Variants in KIAA1755 observed in about 807,000 individuals in gnomAD.
KIAA1755 encodes KIAA1755.
KIAA1755 carries 68 observed loss-of-function variants against 91.7 expected under a neutral mutation model. The ratio of observed to expected loss-of-function variants is 0.74; its 90% CI spans 0.61 to 0.91. The LOEUF (loss-of-function observed/expected upper bound fraction) is 0.91. Ranked by LOEUF, KIAA1755 falls within the 40% of genes least tolerant of loss-of-function variation. The pLI is 0.00. For synonymous variants in KIAA1755, 610 were observed against 604.6 expected, an observed-to-expected ratio of 1.01 and a Z score of -0.13; for missense variants, 1,535 against 1,494.4, an observed-to-expected ratio of 1.03 and a Z score of -0.45.
At chr20:38,227,132 G>A (rs775195713) in intron 7 of KIAA1755, 22 bp downstream of exon 7, 38 of 1,596,702 alleles carry the variant, frequency 2.4e-5, no homozygotes, top group Middle Eastern at 3.3e-4. Context: ...TTCCTCAACC[G>A]CCGACCCTGA....
chr20:38,219,742 A>G lies in KIAA1755; in HGVS notation c.2444T>C (p.Leu815Ser), dbSNP rs2075623283. 2 of 1,614,182 alleles carry G rather than the reference A, an allele frequency of 1.2e-6. No individual in the cohort carries two copies. The highest frequency in any genetic ancestry group is 1.7e-6 in the Non-Finnish European group (2 of 1,180,026). ...VRSHLAAATA[L>S]YSLVDEQLHV... Reference sequence around the variant, plus strand: ...AAGCTGCTCGTCCACAAGGCTGTACAAGGCAGTGGCTGCAGCCAGATGGCT... The same window carrying G: ...AAGCTGCTCGTCCACAAGGCTGTACGAGGCAGTGGCTGCAGCCAGATGGCT... Residue 815 changes from leucine to serine, a missense_variant, in exon 11 of 14, where the codon TTG becomes TCG. Leu to Ser is a moderately radical substitution (Grantham distance 145, BLOSUM62 -2). Transcript: ENST00000279024.
chr20:38,240,576 T>C lies in KIAA1755; in HGVS notation c.1549+6A>G. 1 of 1,488,294 alleles carries C rather than the reference T, an allele frequency of 6.7e-7. No individual in the cohort carries two copies. The highest frequency in any genetic ancestry group is 8.9e-7 in the Non-Finnish European group (1 of 1,118,802). The allele number at this position is 1,488,294 out of a possible 1,614,324, so 92.2% of individuals were successfully genotyped here. ...CCTTGTACAGCTGAGCATGTGGGCATCTTACCTTTCCCCAAAGATTTGGCT... is the reference window on the plus strand; with the variant it reads ...CCTTGTACAGCTGAGCATGTGGGCACCTTACCTTTCCCCAAAGATTTGGCT... On this transcript the variant is annotated splice_donor_region_variant and intron_variant, in intron 3 of 13. Transcript: ENST00000279024.
At chr20:38,247,986 G>C (rs1375478055) in intron 1 of KIAA1755, among the ~76,000 whole-genome samples, 1 of 152,194 alleles carries the variant, frequency 6.6e-6, no homozygotes, top group African/African-American at 2.4e-5. Context: ...CCAGCACTTT[G>C]GGAGGCTGAG....
chr20:38,225,297 C>T (rs1020050528), intron 8 of KIAA1755, among the ~76,000 whole-genome samples: 21 of 152,174 alleles, frequency 1.4e-4, no homozygotes, highest in South Asian at 6.2e-4. Flanking sequence ...TCACAGCGCC[C>T]GGCCCTGTAA....
chr20:38,220,861 CCCCA>C (rs756263458), intron 10 of KIAA1755, among the ~76,000 whole-genome samples: 4 of 152,146 alleles, frequency 2.6e-5, no homozygotes, highest in African/African-American at 7.2e-5. Context: ...TGAGTTGGAA[CCCCA>C]CCCAGGGCTG....
At chr20:38,217,145 G>C (rs976495839) in intron 13 of KIAA1755, 108 bp downstream of exon 13, 1 of 922,110 alleles carries the variant, frequency 1.1e-6, no homozygotes, top group Non-Finnish European at 1.7e-6. Flanking sequence ...GGATGGGGGC[G>C]GTGTCTATGC....
chr20:38,226,419 G>C (rs1293281539), intron 7 of KIAA1755, among the ~76,000 whole-genome samples: 1 of 152,120 alleles, frequency 6.6e-6, no homozygotes, highest in Non-Finnish European at 1.5e-5. Flanking sequence ...CATCACCTAG[G>C]ACATGTTGGA....
intron 13 of KIAA1755, among the ~76,000 whole-genome samples, chr20:38,216,405 G>A (rs2123055967): frequency 6.6e-6 from 1 of 152,360 alleles, no homozygotes; most frequent in African/African-American, 2.4e-5. Context: ...GAAGCAGCCT[G>A]TGATCGCTGT....
chr20:38,222,818 C>G (rs185041184), intron 9 of KIAA1755: 6 of 608,438 alleles, frequency 9.9e-6, no homozygotes, highest in Non-Finnish European at 1.8e-5. Context: ...GCTGGGACAC[C>G]CATTCCAGCC....
chr20:38,212,840 CATGGGTGAAG>C lies in KIAA1755; in HGVS notation c.*192_*201del. On this transcript the variant is annotated 3_prime_UTR_variant, in exon 14 of 14. Transcript: ENST00000279024. ...TCTGACGCCCACTCTTGCTATTCTG[CATGGGTGAAG>C]ATCGGGTCTTCCAGGAGTTTTCTGG... The C allele has an allele frequency of 1.9e-6, 1 of 520,074 alleles. No homozygotes were observed. The highest frequency in any genetic ancestry group is 3.7e-5 in the South Asian group (1 of 27,376). 32.2% of individuals were successfully genotyped at this position (520,074 alleles called of 1,614,324 possible).
At chr20:38,227,526 G>A (rs1297565807) in intron 6 of KIAA1755, among the ~76,000 whole-genome samples, 1 of 152,228 alleles carries the variant, frequency 6.6e-6, no homozygotes, top group Non-Finnish European at 1.5e-5. Context: ...AGACCATAAG[G>A]TAAGCAGATG....
chr20:38,226,218 C>T (rs2075754289), intron 7 of KIAA1755, among the ~76,000 whole-genome samples: 1 of 152,240 alleles, frequency 6.6e-6, no homozygotes, highest in Non-Finnish European at 1.5e-5. Flanking sequence ...AGAAAAGTCA[C>T]TAAATCCCAA....
Position 38,245,260 on chromosome 20 carries a change from G to C in KIAA1755, c.201+669C>G, listed in dbSNP as rs184701739. ...GAATATAAATCCTTGAGCTTCCCTGGGTTCCAGCCTTGTGGGAACACTTAG... is the reference window on the plus strand; with the variant it reads ...GAATATAAATCCTTGAGCTTCCCTGCGTTCCAGCCTTGTGGGAACACTTAG... On this transcript the variant is annotated intron_variant, in intron 2 of 13. Transcript: ENST00000279024. Among the ~76,000 whole-genome samples the C allele has an allele frequency of 6.6e-5, 10 of 152,242 alleles. No homozygotes were observed. In the East Asian group the frequency reaches 1.9e-3, roughly 29 times the overall value.
At position 38,211,912 on chromosome 20, in the gene KIAA1755, G is replaced by T. The variant is rs1195929329; in HGVS notation, c.*1130C>A. ...GCTGTCTACGAGTGCCAGCTCCTGA[G>T]GGTTGGCAGATAAATGCTCTGGATG... On this transcript the variant is annotated 3_prime_UTR_variant, in exon 14 of 14. Transcript: ENST00000279024. The T allele has an allele frequency of 6.6e-6, 1 of 152,222 alleles. No individual in the cohort carries two copies. Among genetic ancestry groups the T allele is most frequent in the African/African-American group, 2.4e-5 (1 of 41,444 alleles). 9.4% of individuals were successfully genotyped at this position (152,222 alleles called of 1,614,324 possible). A position where few individuals can be genotyped will look rare whatever the true frequency, so the allele number is the denominator to read the frequency against.
intron 12 of KIAA1755, chr20:38,217,731 C>G: frequency 1.8e-6 from 1 of 567,300 alleles, no homozygotes; most frequent in Non-Finnish European, 3.1e-6. Context: ...TTTGCCTAGC[C>G]GGGCTCTGCT....
chr20:38,240,965 G>T lies in KIAA1755; in HGVS notation c.1166C>A (p.Ala389Glu), dbSNP rs1350080719. Residue 389 changes from alanine to glutamate, a missense_variant, in exon 3 of 14, where the codon GCA (alanine) becomes GAA (glutamate). Ala to Glu is a moderately radical substitution (Grantham distance 107). Transcript: ENST00000279024. The part of the protein sequence containing the change: ...DALDCASGLR[A>E]GVSQEPAASK... The stretch of plus-strand genomic sequence containing the variant: ...GGCAGCTGGCTCTTGTGAGACACCT[G>T]CCCTGAGACCAGAGGCACAGTCCAG... 1 of 1,614,120 alleles carries T rather than the reference G, an allele frequency of 6.2e-7. No homozygotes were observed. Among genetic ancestry groups the T allele is most frequent in the Non-Finnish European group, 8.5e-7 (1 of 1,180,022 alleles).
At chr20:38,238,816 T>C (rs1017701506) in intron 4 of KIAA1755, among the ~76,000 whole-genome samples, 1 of 152,194 alleles carries the variant, frequency 6.6e-6, no homozygotes, top group African/African-American at 2.4e-5. Flanking sequence ...AGACCTTCTG[T>C]ATTGGATGCT....
chr20:38,217,816 C>T (rs1016611626), intron 12 of KIAA1755: 24 of 455,150 alleles, frequency 5.3e-5, no homozygotes, highest in African/African-American at 2.0e-4. Flanking sequence ...CCTTACTGTG[C>T]GCTTCCCTGT....
intron 1 of KIAA1755, among the ~76,000 whole-genome samples, chr20:38,258,913 T>C (rs2076386650): frequency 6.6e-6 from 1 of 152,110 alleles, no homozygotes; most frequent in South Asian, 2.1e-4. Flanking sequence ...TGGGGTTCAA[T>C]GAGGGGTTTC....
Sources: allele counts gnomAD v4.1 joint callset (sites outside exome capture counted in the v4.1 genomes callset), GRCh38; gene constraint gnomAD v4.1.1; transcripts MANE v1.5; gene names NCBI Gene and HGNC (gene_info 2026-07-23, HGNC 2026-07-21).